STK39: variants seen among roughly 807,000 people sequenced by gnomAD.
The protein encoded by STK39 is STE20/SPS1-related proline-alanine-rich protein kinase.
A neutral mutation model predicts 77.8 loss-of-function variants in STK39; 20 were observed. The observed-to-expected ratio is 0.26, with a 90% confidence interval of 0.18 to 0.37. The LOEUF (loss-of-function observed/expected upper bound fraction) is 0.37, where lower values mean the gene tolerates loss of function less well. Among genes scored for constraint, STK39 ranks in the 10% least tolerant of loss-of-function variants. The pLI, the probability that STK39 is intolerant of heterozygous loss-of-function variation, is 1.00. For synonymous variants in STK39, 246 were observed against 234.1 expected (o/e 1.05, Z -0.47); for missense variants, 479 against 656.5 (o/e 0.73, Z 2.95).
At chr2:168,154,985 T>C (rs6712452) in intron 5 of STK39, among the ~76,000 whole-genome samples, 64,613 of 151,834 alleles carry the variant, frequency 0.43, 15,796 homozygotes, top group East Asian at 0.67. Flanking sequence ...ACCTCCATAG[T>C]ATTTGGTAAT....
At chr2:168,026,362 A>G (rs1684698378) in intron 14 of STK39, among the ~76,000 whole-genome samples, 1 of 152,232 alleles carries the variant, frequency 6.6e-6, no homozygotes, top group African/African-American at 2.4e-5. Flanking sequence ...ACAGAATCAT[A>G]TAATTTTACA....
At chr2:168,054,012 C>T (rs1465050254) in intron 14 of STK39, among the ~76,000 whole-genome samples, 1 of 152,196 alleles carries the variant, frequency 6.6e-6, no homozygotes, top group African/African-American at 2.4e-5. Context: ...TATTAAAACA[C>T]GATAAATGCC....
At chr2:168,181,692 T>C (rs147314032) in intron 2 of STK39, among the ~76,000 whole-genome samples, 375 of 152,250 alleles carry the variant, frequency 2.5e-3, no homozygotes, top group Admixed American at 3.3e-3. Context: ...CCACAGTGTG[T>C]GCCCTTGATA....
At chr2:167,964,633 C>T (rs749756491) in intron 17 of STK39, 29 bp downstream of exon 17, 1 of 1,577,666 alleles carries the variant, frequency 6.3e-7, no homozygotes, top group Non-Finnish European at 8.7e-7. Flanking sequence ...CAAAATATTA[C>T]CTCCTTCTTT....
At position 168,126,197 on chromosome 2, in the gene STK39, G is replaced by A. The variant is rs186897371; in HGVS notation, c.1089+3344C>T. ...TGTCTGTTTCTCTTTGAAAAACAGC[G>A]AACTGATAAGACAAAAATCAATGGA... is the stretch of plus-strand genomic sequence containing the variant. On this transcript the variant is annotated intron_variant, in intron 10 of 17. Transcript: ENST00000355999. Among the ~76,000 whole-genome samples, 393 of 152,162 alleles carry A rather than the reference G, an allele frequency of 2.6e-3. 3 individuals are homozygous for A. Among genetic ancestry groups the A allele is most frequent in the African/African-American group, 9.0e-3 (374 of 41,504 alleles).
intron 2 of STK39, 75 bp from the exon 3 acceptor site, chr2:168,167,482 G>A (rs1283858314): frequency 7.6e-7 from 1 of 1,309,646 alleles, no homozygotes; most frequent in Non-Finnish European, 1.1e-6. Flanking sequence ...AATCACAGTT[G>A]AGTACCTGGG....
At chr2:168,063,821 A>G (rs1685725993) in intron 13 of STK39, among the ~76,000 whole-genome samples, 1 of 152,184 alleles carries the variant, frequency 6.6e-6, no homozygotes, top group Admixed American at 6.5e-5. Flanking sequence ...ATCATAAACA[A>G]CTTGTATAAG....
At chr2:168,162,443 G>A (rs961757134) in intron 4 of STK39, among the ~76,000 whole-genome samples, 3 of 151,876 alleles carry the variant, frequency 2.0e-5, no homozygotes, top group African/African-American at 7.3e-5. Context: ...TCTATTTTAT[G>A]CTTCAGAGTT....
At chr2:168,151,666 G>A (rs555698108) in intron 5 of STK39, among the ~76,000 whole-genome samples, 3 of 150,860 alleles carry the variant, frequency 2.0e-5, no homozygotes, top group African/African-American at 4.9e-5. Context: ...TTGAACCCAG[G>A]AGGTGGAGGT....
At chr2:168,018,986 C>T (rs997287619) in intron 14 of STK39, among the ~76,000 whole-genome samples, 6 of 152,078 alleles carry the variant, frequency 3.9e-5, no homozygotes, top group Non-Finnish European at 5.9e-5. Flanking sequence ...AAGTAAAGGG[C>T]CAATACCTCA....
At chr2:167,990,859 G>C (rs941200066) in intron 16 of STK39, among the ~76,000 whole-genome samples, 1 of 152,148 alleles carries the variant, frequency 6.6e-6, no homozygotes, top group African/African-American at 2.4e-5. Flanking sequence ...TCCTGTGATA[G>C]GTGAACTCTG....
At chr2:168,090,183 A>G (rs1421884677) in intron 10 of STK39, among the ~76,000 whole-genome samples, 1 of 152,236 alleles carries the variant, frequency 6.6e-6, no homozygotes, top group African/African-American at 2.4e-5. Flanking sequence ...ATATAAGAAA[A>G]TTTGGAAGTG....
chr2:168,236,019 G>A (rs1403930027), intron 1 of STK39, among the ~76,000 whole-genome samples: 2 of 151,910 alleles, frequency 1.3e-5, no homozygotes, highest in East Asian at 1.9e-4. Context: ...AGATCCCTGA[G>A]GAATCGCCAC....
intron 16 of STK39, among the ~76,000 whole-genome samples, chr2:167,977,586 A>C (rs1338883933): frequency 1.3e-5 from 2 of 152,120 alleles, no homozygotes; most frequent in Non-Finnish European, 2.9e-5. Flanking sequence ...AAAAAAAAAA[A>C]AAACAAAGGG....
chr2:168,184,663 T>C (rs182142155), intron 1 of STK39, among the ~76,000 whole-genome samples: 34 of 152,280 alleles, frequency 2.2e-4, no homozygotes, highest in East Asian at 1.7e-3. Flanking sequence ...GTGCACCAGG[T>C]TGGTGTTTTT....
chr2:168,164,210 A>G (rs1688643465), intron 3 of STK39, among the ~76,000 whole-genome samples: 1 of 152,300 alleles, frequency 6.6e-6, no homozygotes, highest in South Asian at 2.1e-4. Flanking sequence ...AGAGGGTGCA[A>G]AAAGTCTGAA....
chr2:167,963,971 A>C (rs999961610), intron 17 of STK39, among the ~76,000 whole-genome samples: 4 of 152,196 alleles, frequency 2.6e-5, no homozygotes, highest in Non-Finnish European at 1.5e-5. Flanking sequence ...CTGTTCGCTA[A>C]AATTTTTTGG....
chr2:168,243,290 A>T (rs12622064), intron 1 of STK39, among the ~76,000 whole-genome samples: 10 of 152,350 alleles, frequency 6.6e-5, no homozygotes, highest in Non-Finnish European at 1.3e-4. Flanking sequence ...CTCATTTTAC[A>T]AGAGGCTGTT....
chr2:168,069,104 G>C (rs1006965389), intron 12 of STK39, among the ~76,000 whole-genome samples: 4 of 152,074 alleles, frequency 2.6e-5, no homozygotes, highest in African/African-American at 9.7e-5. Flanking sequence ...TTTTAGTAGA[G>C]ACAGGGTTTC....
Sources: gnomAD v4.1 joint callset for allele counts (sites outside exome capture counted in the v4.1 genomes callset) on GRCh38, gnomAD v4.1.1 for gene constraint, MANE v1.5 for transcripts, NCBI Gene and HGNC (gene_info 2026-07-23, HGNC 2026-07-21) for gene names.